Variants in CLSTN2 observed in about 807,000 individuals in gnomAD.
CLSTN2 encodes the protein calsyntenin 2.
Under a neutral mutation model 101.2 loss-of-function variants are expected in CLSTN2, and 48 were observed. That is an observed-to-expected ratio of 0.47 (90% CI 0.38 to 0.60). The LOEUF is 0.60. Among genes scored for constraint, CLSTN2 ranks in the 20% least tolerant of loss-of-function variants. The pLI is 0.00. For missense variants in CLSTN2, 1,160 were observed against 1,238.2 expected (o/e 0.94, Z 0.95); for synonymous variants, 481 against 463.6 (o/e 1.04, Z -0.48).
chr3:139,942,667 A>T (rs1935152248), intron 1 of CLSTN2, among the ~76,000 whole-genome samples: 1 of 152,038 alleles, frequency 6.6e-6, no homozygotes. Context: ...TGCCCATTGT[A>T]TTGTTCTCAG....
intron 2 of CLSTN2, among the ~76,000 whole-genome samples, chr3:140,252,632 T>C (rs2107876761): frequency 6.6e-6 from 1 of 152,322 alleles, no homozygotes; most frequent in South Asian, 2.1e-4. Flanking sequence ...TAAAATGTTA[T>C]GCATGTTGAC....
At chr3:140,235,179 G>A (rs2086405613) in intron 2 of CLSTN2, among the ~76,000 whole-genome samples, 1 of 152,150 alleles carries the variant, frequency 6.6e-6, no homozygotes, top group African/African-American at 2.4e-5. Context: ...TATTCGTTGT[G>A]TCCTCCATGC....
intron 8 of CLSTN2, among the ~76,000 whole-genome samples, chr3:140,475,974 T>A (rs1933973718): frequency 6.6e-6 from 1 of 152,160 alleles, no homozygotes; most frequent in Non-Finnish European, 1.5e-5. Flanking sequence ...CAATAATAAA[T>A]GAAGATACTC....
intron 1 of CLSTN2, among the ~76,000 whole-genome samples, chr3:140,034,612 T>C (rs994965355): frequency 1.3e-5 from 2 of 150,624 alleles, no homozygotes; most frequent in African/African-American, 5.0e-5. Context: ...CCTTCCTCTC[T>C]TTTGCCAGAG....
At chr3:139,947,489 A>C (rs80107994) in intron 1 of CLSTN2, among the ~76,000 whole-genome samples, 2,060 of 152,298 alleles carry the variant, frequency 0.014, 33 homozygotes, top group African/African-American at 0.047. Context: ...GGAGAGTGAG[A>C]AAAAATATTC....
intron 10 of CLSTN2, among the ~76,000 whole-genome samples, chr3:140,556,197 C>A (rs1935786811): frequency 6.6e-6 from 1 of 152,166 alleles, no homozygotes; most frequent in Non-Finnish European, 1.5e-5. Flanking sequence ...AGAGCATGGA[C>A]CACTGTTCGC....
In CLSTN2 at chr3:140,240,174, C is replaced by CTATA. The variant is rs1226140178; in HGVS notation, c.232+64124_232+64127dup. On this transcript the variant is annotated intron_variant, in intron 2 of 16. Coordinates refer to ENST00000458420, the MANE Select transcript of CLSTN2 (RefSeq NM_022131.3). Reference sequence around the variant, plus strand: ...TCTGTCTCTCTCTCTCTCTCTCTCTCTATATATATATATATATATATATAT... The same window carrying CTATA: ...TCTGTCTCTCTCTCTCTCTCTCTCTCTATATATATATATATATATATATATATAT... Among the ~76,000 whole-genome samples the CTATA allele has an allele frequency of 5.6e-3, 75 of 13,304 alleles. 2 individuals carry two copies. Among genetic ancestry groups the CTATA allele is most frequent in the Non-Finnish European group, 1.0e-2 (28 of 2,806 alleles). 8.7% of individuals were successfully genotyped at this position (13,304 alleles called of 152,430 possible). A position where few individuals can be genotyped will look rare whatever the true frequency, so the allele number is the denominator to read the frequency against.
At chr3:140,106,838 T>C (rs1436782353) in intron 1 of CLSTN2, among the ~76,000 whole-genome samples, 2 of 152,248 alleles carry the variant, frequency 1.3e-5, no homozygotes, top group Non-Finnish European at 2.9e-5. Flanking sequence ...TAATTATATC[T>C]TACATTTAAC....
At chr3:140,555,083 C>A (rs1234836879) in intron 10 of CLSTN2, among the ~76,000 whole-genome samples, 1 of 152,192 alleles carries the variant, frequency 6.6e-6, no homozygotes, top group Non-Finnish European at 1.5e-5. Flanking sequence ...AGATTGGCTG[C>A]AGCTCTGATC....
intron 1 of CLSTN2, among the ~76,000 whole-genome samples, chr3:140,007,033 G>T (rs2006972903): frequency 6.6e-6 from 1 of 152,020 alleles, no homozygotes; most frequent in South Asian, 2.1e-4. Flanking sequence ...TTTTCCTTTT[G>T]CCTCAGGCTG....
intron 7 of CLSTN2, among the ~76,000 whole-genome samples, chr3:140,466,395 T>C (rs1933702692): frequency 6.6e-6 from 1 of 152,178 alleles, no homozygotes; most frequent in Non-Finnish European, 1.5e-5. Context: ...AGCAAGAGTT[T>C]GGCTGTGGGT....
At chr3:140,274,158 C>A (rs1030399092) in intron 2 of CLSTN2, among the ~76,000 whole-genome samples, 1 of 152,130 alleles carries the variant, frequency 6.6e-6, no homozygotes, top group Non-Finnish European at 1.5e-5. Flanking sequence ...TTTGGCTCCT[C>A]CCATGTGCCC....
chr3:140,431,899 G>T (rs1189359834), intron 5 of CLSTN2, among the ~76,000 whole-genome samples: 1 of 152,214 alleles, frequency 6.6e-6, no homozygotes, highest in African/African-American at 2.4e-5. Context: ...TTGTAAGATT[G>T]TTAAGACCAA....
intron 1 of CLSTN2, among the ~76,000 whole-genome samples, chr3:139,999,443 C>T (rs1257341645): frequency 1.3e-5 from 2 of 152,056 alleles, no homozygotes; most frequent in Non-Finnish European, 2.9e-5. Flanking sequence ...GGGAACTGAT[C>T]CAGCATCCCA....
At chr3:140,156,793 C>T (rs2009961299) in intron 1 of CLSTN2, among the ~76,000 whole-genome samples, 1 of 152,178 alleles carries the variant, frequency 6.6e-6, no homozygotes. Flanking sequence ...CTCTCCCCTC[C>T]ACTGGGGTTA....
intron 2 of CLSTN2, among the ~76,000 whole-genome samples, chr3:140,201,097 AC>A (rs1327114076): frequency 3.5e-4 from 53 of 152,364 alleles, no homozygotes; most frequent in African/African-American, 1.3e-3. Context: ...GCTGAGATGA[AC>A]GTGACAGAGG....
intron 1 of CLSTN2, among the ~76,000 whole-genome samples, chr3:139,995,154 C>T (rs1432660002): frequency 2.0e-5 from 3 of 152,066 alleles, no homozygotes; most frequent in African/African-American, 7.2e-5. Flanking sequence ...TGGCTAAGGT[C>T]CTGATTGCTG....
At chr3:140,050,772 G>A (rs1308715071) in intron 1 of CLSTN2, among the ~76,000 whole-genome samples, 2 of 152,178 alleles carry the variant, frequency 1.3e-5, no homozygotes, top group African/African-American at 2.4e-5. Flanking sequence ...AAGGGTAGTG[G>A]AGGATGGATA....
chr3:140,211,606 T>C (rs2107846901), intron 2 of CLSTN2, among the ~76,000 whole-genome samples: 1 of 151,202 alleles, frequency 6.6e-6, no homozygotes, highest in Non-Finnish European at 1.5e-5. Flanking sequence ...ATAAACATAT[T>C]CATTTAATCC....
Sources: gnomAD v4.1 joint callset for allele counts (sites outside exome capture counted in the v4.1 genomes callset) on GRCh38, gnomAD v4.1.1 for gene constraint, MANE v1.5 for transcripts, NCBI Gene and HGNC (gene_info 2026-07-23, HGNC 2026-07-21) for gene names.